The following CSMD1 variants were observed in gnomAD, a reference collection of about 807,000 sequenced individuals.
CSMD1 encodes the protein CUB and Sushi multiple domains 1.
A neutral mutation model predicts 417.5 loss-of-function variants in CSMD1; 213 were observed. That is an observed-to-expected ratio of 0.51 (90% CI 0.46 to 0.57). The LOEUF (loss-of-function observed/expected upper bound fraction) is 0.57. Among genes scored for constraint, CSMD1 ranks in the 20% least tolerant of loss-of-function variants. The probability of loss-of-function intolerance (pLI) is 0.00; values close to 1 mark genes in which losing one functional copy is unlikely to be tolerated. For synonymous variants in CSMD1, 2,862 were observed against 1,736.8 expected (o/e 1.65, Z -16.11); for missense variants, 6,923 against 4,529.7 (o/e 1.53, Z -15.17).
intron 30 of CSMD1, among the ~76,000 whole-genome samples, chr8:3,212,617 G>C (rs988026286): frequency 6.6e-6 from 1 of 152,106 alleles, no homozygotes; most frequent in African/African-American, 2.4e-5. Context: ...GCCTCCCATA[G>C]TGTTGGGATT....
intron 3 of CSMD1, among the ~76,000 whole-genome samples, chr8:4,348,727 G>A (rs563504524): frequency 4.0e-5 from 6 of 151,840 alleles, no homozygotes; most frequent in Admixed American, 6.6e-5. Context: ...TTTGATCTTC[G>A]TCTTTAGGAA....
rs531278717 is a variant in CSMD1, at chr8:3,270,289, C to G, written c.4153+13855G>C. Among the ~76,000 whole-genome samples the G allele has an allele frequency of 2.7e-3, 412 of 152,112 alleles. 5 individuals carry two copies. Among genetic ancestry groups the G allele is most frequent in the African/African-American group, 9.5e-3 (393 of 41,496 alleles). The stretch of plus-strand genomic sequence containing the variant: ...GCCAGGCTGGCCTTGAACTCCTGAC[C>G]TTGTGATCCGTCTGCCTTGGCCTCC... On this transcript the variant is annotated intron_variant, in intron 26 of 69. Transcript: ENST00000635120.
At chr8:3,137,366 C>T (rs142114499) in intron 41 of CSMD1, among the ~76,000 whole-genome samples, 34 of 152,348 alleles carry the variant, frequency 2.2e-4, no homozygotes, top group African/African-American at 6.7e-4. Flanking sequence ...ATATGCAGCA[C>T]GGCAGAAAGT....
In CSMD1 at chr8:3,729,551, T is replaced by C. The variant is rs527546389; in HGVS notation, c.932-21060A>G. 2.0e-5 allele frequency among the ~76,000 whole-genome samples: 3 copies of C among 152,244 alleles called. No individual in the cohort carries two copies. The East Asian group carries it at 5.8e-4, about 29-fold the overall frequency. On this transcript the variant is annotated intron_variant, in intron 6 of 69. Transcript: ENST00000635120. The stretch of plus-strand genomic sequence containing the variant: ...GAGGAATCGAAGTGGGCCTTGACAA[T>C]GTCCAGAAGGTATCGGGTCAGTAAG...
At chr8:4,684,264 T>C (rs913320909) in intron 1 of CSMD1, among the ~76,000 whole-genome samples, 5 of 152,230 alleles carry the variant, frequency 3.3e-5, no homozygotes, top group Non-Finnish European at 5.9e-5. Context: ...TAAGTGTGCA[T>C]TGATTTTTAA....
chr8:3,844,466 T>G (rs1211340759), intron 5 of CSMD1, among the ~76,000 whole-genome samples: 9 of 152,218 alleles, frequency 5.9e-5, no homozygotes, highest in African/African-American at 2.2e-4. Context: ...AGTTGATGTA[T>G]GGATTCAGAG....
intron 3 of CSMD1, among the ~76,000 whole-genome samples, chr8:4,258,588 A>T (rs1022895821): frequency 2.0e-5 from 3 of 150,312 alleles, no homozygotes; most frequent in Admixed American, 6.6e-5. Flanking sequence ...GGAAGGAGGG[A>T]TGGAGGGAAC....
At chr8:4,109,079 C>T (rs897332426) in intron 3 of CSMD1, among the ~76,000 whole-genome samples, 1 of 152,182 alleles carries the variant, frequency 6.6e-6, no homozygotes, top group Non-Finnish European at 1.5e-5. Context: ...TTGCATATAA[C>T]CGCATCCATT....
At chr8:3,790,377 T>G (rs1007845849) in intron 5 of CSMD1, among the ~76,000 whole-genome samples, 4 of 152,080 alleles carry the variant, frequency 2.6e-5, no homozygotes, top group Non-Finnish European at 5.9e-5. Context: ...CGGTGATGGT[T>G]ATGATGATGG....
intron 2 of CSMD1, among the ~76,000 whole-genome samples, chr8:4,537,857 G>A (rs1334827387): frequency 1.3e-5 from 2 of 152,130 alleles, no homozygotes; most frequent in East Asian, 3.9e-4. Context: ...TTTTTGCATT[G>A]CTTTGATCAC....
chr8:4,250,341 C>G (rs193290712), intron 3 of CSMD1, among the ~76,000 whole-genome samples: 1 of 152,246 alleles, frequency 6.6e-6, no homozygotes, highest in East Asian at 1.9e-4. Flanking sequence ...GCTATGAAGA[C>G]AGAATGTGTG....
intron 52 of CSMD1, among the ~76,000 whole-genome samples, chr8:3,003,365 G>A (rs542662153): frequency 6.6e-6 from 1 of 151,878 alleles, no homozygotes; most frequent in African/African-American, 2.4e-5. Flanking sequence ...TCTTGGTTTT[G>A]AGTCATCTAC....
At chr8:3,152,091 C>G (rs887345388) in intron 39 of CSMD1, among the ~76,000 whole-genome samples, 2 of 152,218 alleles carry the variant, frequency 1.3e-5, no homozygotes, top group Admixed American at 6.5e-5. Flanking sequence ...TCAGCCACCA[C>G]ACATGACTGT....
chr8:3,198,822 C>G (rs987204228), intron 33 of CSMD1, among the ~76,000 whole-genome samples: 1 of 152,046 alleles, frequency 6.6e-6, no homozygotes, highest in Non-Finnish European at 1.5e-5. Flanking sequence ...GGAAAGAAAC[C>G]ATTGCTAAGA....
chr8:2,984,612 G>C (rs1043577509), intron 54 of CSMD1, among the ~76,000 whole-genome samples: 2 of 152,214 alleles, frequency 1.3e-5, no homozygotes, highest in African/African-American at 4.8e-5. Context: ...CTCCCAAAGT[G>C]CTGGGATTAC....
intron 4 of CSMD1, among the ~76,000 whole-genome samples, chr8:4,029,574 T>A (rs1012457655): frequency 5.9e-5 from 9 of 152,216 alleles, no homozygotes; most frequent in South Asian, 2.1e-4. Context: ...ACTGGCTTCC[T>A]CCCACATGTG....
In CSMD1 at chr8:3,534,625, C is replaced by T. The variant is rs146632404; in HGVS notation, c.1344+40320G>A. Among the ~76,000 whole-genome samples, 682 of 152,046 alleles carry T rather than the reference C, an allele frequency of 4.5e-3. 4 individuals carry two copies. The highest frequency in any genetic ancestry group is 0.015 in the African/African-American group (641 of 41,458). On this transcript the variant is annotated intron_variant, in intron 10 of 69. Transcript: ENST00000635120. ...TCCTAAGGGCTTTTCTGCTAGATGT[C>T]AGTTGGTATCTTGGGAATGCCATTT...
chr8:3,971,240 C>A (rs1277390366), intron 5 of CSMD1, among the ~76,000 whole-genome samples: 2 of 152,154 alleles, frequency 1.3e-5, no homozygotes, highest in African/African-American at 2.4e-5. Flanking sequence ...ACCATGCGCA[C>A]TTCTGCCTGA....
intron 10 of CSMD1, among the ~76,000 whole-genome samples, chr8:3,553,683 A>C (rs1249980264): frequency 1.3e-5 from 2 of 152,356 alleles, no homozygotes; most frequent in African/African-American, 4.8e-5. Context: ...AGGGAAACCA[A>C]TTTTAGTAGG....
Sources: allele counts gnomAD v4.1 joint callset (sites outside exome capture counted in the v4.1 genomes callset), GRCh38; gene constraint gnomAD v4.1.1; transcripts MANE v1.5; gene names NCBI Gene and HGNC (gene_info 2026-07-23, HGNC 2026-07-21).